Variants in PIH1D2 observed in about 807,000 individuals in gnomAD.
PIH1D2 encodes the protein PIH1 domain containing 2, also known as PIH1 domain-containing protein 2.
Under a neutral mutation model 31.2 loss-of-function variants are expected in PIH1D2, and 25 were observed. That is an observed-to-expected ratio of 0.80 (90% CI 0.58 to 1.12). The LOEUF is 1.12. PIH1D2 is among the 50% of genes most tolerant of loss of function. The pLI is 0.00. For missense variants in PIH1D2, 310 were observed against 356.6 expected (o/e 0.87, Z 1.05); for synonymous variants, 116 against 119.9 (o/e 0.97, Z 0.21).
chr11:112,065,245 G>A (rs1489241404), downstream of PIH1D2, among the ~76,000 whole-genome samples: 1 of 152,154 alleles, frequency 6.6e-6, no homozygotes, highest in Non-Finnish European at 1.5e-5. Flanking sequence ...TTTGTTTTTT[G>A]TAGGGAGGGG....
chr11:112,069,234 C>T (rs1280733984), intron 5 of PIH1D2, among the ~76,000 whole-genome samples: 1 of 151,870 alleles, frequency 6.6e-6, no homozygotes, highest in African/African-American at 2.4e-5. Context: ...AACCCCTGAG[C>T]TCAGGCAATC....
chr11:112,071,737 A>C lies in PIH1D2; in HGVS notation c.199T>G (p.Phe67Val), dbSNP rs1555184695. ...RILKPKEKILFINLCQWTRIP... is the reference protein window; with the variant it reads ...RILKPKEKILVINLCQWTRIP... ...CTTGTCCACTGACACAGGTTGATAA[A>C]AAGTATTTTTTCTTTTGGTTTCTGG... Residue 67 changes from phenylalanine to valine, a missense_variant, in exon 3 of 6, where the codon TTT becomes GTT. Coordinates refer to ENST00000280350, the MANE Select transcript of PIH1D2 (RefSeq NM_138789.4). 15 of 1,613,994 alleles carry C rather than the reference A, an allele frequency of 9.3e-6. No homozygotes were observed. In the South Asian group the frequency reaches 1.6e-4, roughly 18 times the overall value.
chr11:112,060,887 A>T, downstream of PIH1D2: 1 of 639,662 alleles, frequency 1.6e-6, no homozygotes, highest in South Asian at 2.0e-5. Context: ...TCATATTGTA[A>T]TGGTTGTATA....
At chr11:112,056,004 A>C in the PIH1D2 span, among the ~76,000 whole-genome samples, 1 of 150,702 alleles carries the variant, frequency 6.6e-6, no homozygotes, top group African/African-American at 2.4e-5. Context: ...AGTAGCTGGG[A>C]CTACAGGCAC....
Position 112,071,088 on chromosome 11 carries a change from A to T in PIH1D2, c.497T>A (p.Leu166Gln). Reference protein sequence around the residue: ...KGSIQRMKQNLMGIQTDSIDL... With the variant: ...KGSIQRMKQNQMGIQTDSIDL... ...TATGGAATCAGTTTGGATTCCCATC[A>T]GATTTTGTTTCATTCTTTGAATGCT... The change falls in exon 4 of 6, where the codon CTG becomes CAG. Residue 166 changes from leucine to glutamine, a missense_variant. Transcript: ENST00000280350. 1 of 1,613,730 alleles carries T rather than the reference A, an allele frequency of 6.2e-7. No individual in the cohort carries two copies. The highest frequency in any genetic ancestry group is 8.5e-7 in the Non-Finnish European group (1 of 1,179,804).
chr11:112,061,131 G>A (rs1388530412), downstream of PIH1D2: 2 of 1,614,058 alleles, frequency 1.2e-6, no homozygotes. Flanking sequence ...TTTGGCAATT[G>A]GTGCTTCAGA....
chr11:112,073,461 T>G (rs1348957598), intron 1 of PIH1D2, among the ~76,000 whole-genome samples: 1 of 152,140 alleles, frequency 6.6e-6, no homozygotes, highest in African/African-American at 2.4e-5. Flanking sequence ...AGTAATCATT[T>G]TAAGTCTGGG....
downstream of PIH1D2, among the ~76,000 whole-genome samples, chr11:112,065,753 G>A (rs587679278): frequency 2.6e-5 from 4 of 152,326 alleles, no homozygotes; most frequent in South Asian, 8.3e-4. Flanking sequence ...GGCCGAGGCG[G>A]GCAGATCACT....
chr11:112,065,953 G>A (rs1864909803), downstream of PIH1D2, among the ~76,000 whole-genome samples: 1 of 151,698 alleles, frequency 6.6e-6, no homozygotes, highest in Admixed American at 6.6e-5. Context: ...AGCCAAGATC[G>A]CGCCACTGCA....
chr11:112,053,195 G>T, the PIH1D2 span, among the ~76,000 whole-genome samples: 1 of 152,032 alleles, frequency 6.6e-6, no homozygotes, highest in African/African-American at 2.4e-5. Context: ...GGTGGTGCAT[G>T]CCTGTAATCT....
In PIH1D2 at chr11:112,071,761, G is replaced by T; in HGVS notation, c.178-3C>A. 1 of 1,613,930 alleles carries T rather than the reference G, an allele frequency of 6.2e-7. No individual in the cohort carries two copies. The highest frequency in any genetic ancestry group is 8.5e-7 in the Non-Finnish European group (1 of 1,179,858). On this transcript the variant is annotated splice_polypyrimidine_tract_variant and splice_region_variant and intron_variant, in intron 2 of 5. Transcript: ENST00000280350. ...AAAAGTATTTTTTCTTTTGGTTTCT[G>T]GAAAGCAAATAATTTTGCACATCTC...
In PIH1D2 at chr11:112,072,888, A is replaced by C. The variant is rs539229362; in HGVS notation, c.177+110T>G. 1,109 of 1,019,658 alleles carry C rather than the reference A, an allele frequency of 1.1e-3. 4 individuals are homozygous for C. Among genetic ancestry groups the C allele is most frequent in the Middle Eastern group, 3.2e-3 (9 of 2,818 alleles). 63.2% of individuals were successfully genotyped at this position (1,019,658 alleles called of 1,614,324 possible). ...AAAAAACAAAACAAAACAAAACAAA[A>C]CAAAAAAAAAACAAAAAAAATTAGC... On this transcript the variant is annotated intron_variant, in intron 2 of 5. Transcript: ENST00000280350.
At position 112,070,630 on chromosome 11, in the gene PIH1D2, T is replaced by C. The variant is rs782277221; in HGVS notation, c.619A>G (p.Lys207Glu). The C allele has an allele frequency of 7.4e-6, 12 of 1,614,160 alleles. No homozygotes were observed. The highest frequency in any genetic ancestry group is 1.7e-5 in the Admixed American group (1 of 60,020). Residue 207 changes from lysine (K) to glutamate (E), a missense_variant, in exon 5 of 6, where the codon AAA (lysine) becomes GAA (glutamate). Transcript: ENST00000280350. ...PDHFPQLLLP[K>E]DQVSGKAVCL... The stretch of plus-strand genomic sequence containing the variant: ...ACTGCTTTGCCTGAAACTTGGTCTT[T>C]TGGCAGTAACAGTTGAGGAAAGTGA...
At position 112,067,827 on chromosome 11, in the gene PIH1D2, C is replaced by A; in HGVS notation, c.*44G>T. On this transcript the variant is annotated 3_prime_UTR_variant, in exon 6 of 6. Coordinates refer to ENST00000280350, the MANE Select transcript of PIH1D2 (RefSeq NM_138789.4). Reference sequence around the variant, plus strand: ...GCCAAAATGAAGGTCCTTTAATTCACATGACTTTAGCACTGAAAACCCAAA... The same window carrying A: ...GCCAAAATGAAGGTCCTTTAATTCAAATGACTTTAGCACTGAAAACCCAAA... The A allele has an allele frequency of 6.2e-7, 1 of 1,602,938 alleles. No individual in the cohort carries two copies. The highest frequency in any genetic ancestry group is 8.5e-7 in the Non-Finnish European group (1 of 1,176,420).
chr11:112,072,889 C>CAAAAA (rs1164293992), intron 2 of PIH1D2, 109 bp downstream of exon 2: 1,544 of 884,346 alleles, frequency 1.7e-3, no homozygotes, highest in Non-Finnish European at 1.9e-3. Flanking sequence ...CAAAACAAAA[C>CAAAAA]AAAAAAAAAA....
the PIH1D2 span, among the ~76,000 whole-genome samples, chr11:112,055,118 T>C: frequency 6.6e-6 from 1 of 152,166 alleles, no homozygotes; most frequent in African/African-American, 2.4e-5. Flanking sequence ...CTAAACAGAC[T>C]TTAGTCTTCC....
At chr11:112,072,549 CAAAA>C (rs148760956) in intron 2 of PIH1D2, among the ~76,000 whole-genome samples, 1,719 of 36,168 alleles carry the variant, frequency 0.048, 19 homozygotes, top group African/African-American at 0.15. Flanking sequence ...GACCCTATCT[CAAAA>C]AAAAAAAAAA....
At chr11:112,072,149 C>T (rs1865138840) in intron 2 of PIH1D2, among the ~76,000 whole-genome samples, 1 of 152,038 alleles carries the variant, frequency 6.6e-6, no homozygotes, top group African/African-American at 2.4e-5. Flanking sequence ...CCACTCACCA[C>T]AGGAATGAAA....
downstream of PIH1D2, among the ~76,000 whole-genome samples, chr11:112,058,391 T>C (rs587595811): frequency 1.1e-3 from 175 of 152,342 alleles, 2 homozygotes; most frequent in Middle Eastern, 0.024. Flanking sequence ...AAAATCCTGC[T>C]CTAGCCAACT....
Sources: allele counts gnomAD v4.1 joint callset (sites outside exome capture counted in the v4.1 genomes callset), GRCh38; gene constraint gnomAD v4.1.1; transcripts MANE v1.5; gene names NCBI Gene and HGNC (gene_info 2026-07-23, HGNC 2026-07-21).